CYP7B1: variants seen among roughly 807,000 people sequenced by gnomAD.
CYP7B1 encodes the protein cytochrome P450 family 7 subfamily B member 1.
Under a neutral mutation model 42.7 loss-of-function variants are expected in CYP7B1, and 29 were observed. That is an observed-to-expected ratio of 0.68 (90% confidence interval 0.51 to 0.93). The LOEUF is 0.93. CYP7B1 is among the 40% of genes least tolerant of loss of function. The pLI is 0.00. For missense variants in CYP7B1, 655 were observed against 600.5 expected (o/e 1.09, Z -0.95); for synonymous variants, 235 against 218.2 (o/e 1.08, Z -0.68).
At chr8:64,718,218 C>T (rs549923061) in intron 1 of CYP7B1, among the ~76,000 whole-genome samples, 7 of 152,188 alleles carry the variant, frequency 4.6e-5, no homozygotes, top group East Asian at 3.9e-4. Context: ...ACTACCTCTT[C>T]GTTCATCATT....
At chr8:64,727,565 C>T (rs1005360925) in intron 1 of CYP7B1, among the ~76,000 whole-genome samples, 6 of 152,074 alleles carry the variant, frequency 3.9e-5, no homozygotes, top group East Asian at 1.9e-4. Context: ...TCAAAGCCAC[C>T]GCATCTGTCC....
At chr8:64,779,132 G>T (rs892306052) in intron 1 of CYP7B1, among the ~76,000 whole-genome samples, 1 of 151,938 alleles carries the variant, frequency 6.6e-6, no homozygotes, top group Admixed American at 6.6e-5. Flanking sequence ...TTAGTAAAGG[G>T]GGAGTGCAAA....
Position 64,606,399 on chromosome 8 carries a change from C to G in CYP7B1, c.1058-1542G>C, listed in dbSNP as rs545479303. Among the ~76,000 whole-genome samples the G allele has an allele frequency of 1.5e-3, 228 of 152,310 alleles. 2 individuals carry two copies. The Middle Eastern group carries it at 0.02, about 14-fold the overall frequency. On this transcript the variant is annotated intron_variant, in intron 4 of 5. Coordinates refer to ENST00000310193, the MANE Select transcript of CYP7B1 (RefSeq NM_004820.5). ...TGTTGGAGCAACAATAGCACAGCAT[C>G]CTTTTAGCTTGTGGTGTGAAATGGT...
At chr8:64,753,747 A>C (rs1807765290) in intron 1 of CYP7B1, among the ~76,000 whole-genome samples, 1 of 152,236 alleles carries the variant, frequency 6.6e-6, no homozygotes, top group Non-Finnish European at 1.5e-5. Context: ...ACAGGGTGAG[A>C]GGACTGCTTT....
chr8:64,613,946 T>C (rs563893047), intron 4 of CYP7B1, among the ~76,000 whole-genome samples: 2 of 152,184 alleles, frequency 1.3e-5, no homozygotes, highest in South Asian at 4.1e-4. Context: ...TGGAACATAT[T>C]TAAAAGATAA....
chr8:64,589,701 A>G (rs1274731641), downstream of CYP7B1: 1 of 152,194 alleles, frequency 6.6e-6, no homozygotes, highest in East Asian at 1.9e-4. Flanking sequence ...TGTAGTAAAT[A>G]TTCTCTTGCA....
chr8:64,688,469 A>G (rs1223445178), intron 1 of CYP7B1, among the ~76,000 whole-genome samples: 1 of 151,634 alleles, frequency 6.6e-6, no homozygotes, highest in African/African-American at 2.4e-5. Context: ...TGCCAGGTAC[A>G]ACACTAGAAG....
intron 1 of CYP7B1, among the ~76,000 whole-genome samples, chr8:64,697,545 C>T (rs1461973223): frequency 2.6e-5 from 4 of 152,044 alleles, no homozygotes; most frequent in African/African-American, 7.2e-5. Flanking sequence ...CCAGGTTGGA[C>T]ATAATAAGAA....
At chr8:64,599,653 T>C (rs1168154303) in intron 5 of CYP7B1, among the ~76,000 whole-genome samples, 2 of 152,216 alleles carry the variant, frequency 1.3e-5, no homozygotes, top group African/African-American at 4.8e-5. Context: ...AACATTGTTC[T>C]TCTGAATAAA....
intron 1 of CYP7B1, among the ~76,000 whole-genome samples, chr8:64,787,343 C>T (rs143457738): frequency 3.0e-4 from 45 of 152,294 alleles, no homozygotes; most frequent in African/African-American, 7.7e-4. Context: ...CCACCAGATA[C>T]CCTAGATCAT....
chr8:64,762,299 A>C (rs2129633746), intron 1 of CYP7B1, among the ~76,000 whole-genome samples: 1 of 152,298 alleles, frequency 6.6e-6, no homozygotes, highest in Non-Finnish European at 1.5e-5. Context: ...TATTACAATT[A>C]TTTTTGATAT....
At chr8:64,661,988 C>T (rs1421774748) in intron 1 of CYP7B1, among the ~76,000 whole-genome samples, 3 of 152,038 alleles carry the variant, frequency 2.0e-5, no homozygotes, top group Non-Finnish European at 4.4e-5. Context: ...TATCTAATAT[C>T]TGTGCCCTCC....
intron 1 of CYP7B1, among the ~76,000 whole-genome samples, chr8:64,775,790 G>A (rs1179727374): frequency 1.3e-5 from 2 of 152,096 alleles, no homozygotes; most frequent in Non-Finnish European, 2.9e-5. Context: ...CATGAAGTCA[G>A]AAAAAGGCAT....
In CYP7B1 at chr8:64,592,951, T is replaced by C. The variant is rs1250796414; in HGVS notation, c.*3691A>G. ...TGTCACAAGATTCTCAATGTTTTGT[T>C]TTGGTTCTACTATTCATTCCTTTTA... On this transcript the variant is annotated 3_prime_UTR_variant, in exon 6 of 6. Coordinates refer to ENST00000310193, the MANE Select transcript of CYP7B1 (RefSeq NM_004820.5). Among the ~76,000 whole-genome samples the C allele has an allele frequency of 2.0e-5, 3 of 152,196 alleles. No homozygotes were observed. Among genetic ancestry groups the C allele is most frequent in the African/African-American group, 7.2e-5 (3 of 41,454 alleles).
intron 5 of CYP7B1, among the ~76,000 whole-genome samples, chr8:64,603,895 TA>T (rs1241272624): frequency 6.6e-6 from 1 of 152,160 alleles, no homozygotes; most frequent in Admixed American, 6.5e-5. Flanking sequence ...TATGAACTGC[TA>T]AAAAAGAGCA....
intron 1 of CYP7B1, among the ~76,000 whole-genome samples, chr8:64,748,623 TC>T (rs1449415250): frequency 6.6e-6 from 1 of 152,198 alleles, no homozygotes; most frequent in Non-Finnish European, 1.5e-5. Context: ...AGATTTACTT[TC>T]CCCTACCATC....
intron 1 of CYP7B1, among the ~76,000 whole-genome samples, chr8:64,753,317 C>T (rs1283268944): frequency 2.0e-5 from 3 of 152,198 alleles, no homozygotes; most frequent in African/African-American, 7.2e-5. Context: ...TCTAAAATGT[C>T]TGTCTTCTTT....
chr8:64,765,450 G>C (rs1807957673), intron 1 of CYP7B1, among the ~76,000 whole-genome samples: 3 of 152,154 alleles, frequency 2.0e-5, no homozygotes, highest in Non-Finnish European at 4.4e-5. Flanking sequence ...GGGGCAACTG[G>C]GCTGTTATGA....
intron 1 of CYP7B1, among the ~76,000 whole-genome samples, chr8:64,736,198 C>T (rs537580197): frequency 3.7e-4 from 56 of 152,198 alleles, no homozygotes; most frequent in Non-Finnish European, 6.0e-4. Context: ...GCCATTTCCA[C>T]GAGAAAAACA....
Sources: gnomAD v4.1 joint callset for allele counts (sites outside exome capture counted in the v4.1 genomes callset) on GRCh38, gnomAD v4.1.1 for gene constraint, MANE v1.5 for transcripts, NCBI Gene and HGNC (gene_info 2026-07-23, HGNC 2026-07-21) for gene names.